Variants in FANCC observed in about 807,000 individuals in gnomAD.
FANCC encodes the protein FA complementation group C, also known as Fanconi anemia group C protein.
Under a neutral mutation model 71.3 loss-of-function variants are expected in FANCC, and 55 were observed. The ratio of observed to expected loss-of-function variants is 0.77; its 90% CI spans 0.62 to 0.97. FANCC has a LOEUF of 0.97. Ranked by LOEUF, FANCC falls within the 50% of genes least tolerant of loss-of-function variation. The pLI is 0.00. For synonymous variants in FANCC, 275 were observed against 244.9 expected (o/e 1.12, Z -1.15); for missense variants, 678 against 670.9 (o/e 1.01, Z -0.12).
chr9:95,119,689 C>T (rs921747077), intron 10 of FANCC, among the ~76,000 whole-genome samples: 11 of 151,714 alleles, frequency 7.3e-5, no homozygotes, highest in African/African-American at 2.7e-4. Context: ...TTAATGATAT[C>T]TATCAAAGAA....
chr9:95,275,313 A>C (rs1486305875), intron 1 of FANCC, among the ~76,000 whole-genome samples: 1 of 152,016 alleles, frequency 6.6e-6, no homozygotes, highest in Non-Finnish European at 1.5e-5. Context: ...AAATAAAATA[A>C]AATAAAAACA....
chr9:95,153,694 T>C (rs1303154730), intron 6 of FANCC, among the ~76,000 whole-genome samples: 2 of 152,248 alleles, frequency 1.3e-5, no homozygotes, highest in South Asian at 2.1e-4. Flanking sequence ...TTTGAGTTCC[T>C]TGTAGATTCT....
chr9:95,293,466 G>C, intron 1 of FANCC: 1 of 1,571,280 alleles, frequency 6.4e-7, no homozygotes, highest in South Asian at 1.2e-5. Flanking sequence ...TGATCCTGTT[G>C]CTGTTGAGCC....
chr9:95,197,681 G>A (rs1026418528), intron 4 of FANCC, among the ~76,000 whole-genome samples: 11 of 152,264 alleles, frequency 7.2e-5, no homozygotes, highest in Admixed American at 2.0e-4. Flanking sequence ...TGCAGGAATC[G>A]TGGCTTGTTA....
In FANCC at chr9:95,294,009, A is replaced by G. The variant is rs549438215; in HGVS notation, c.-79+23517T>C. On this transcript the variant is annotated intron_variant, in intron 1 of 14. Transcript: ENST00000289081. Reference sequence around the variant, plus strand: ...AGAATGAGCCTAAGACTTTAAATCAAGAGATTGAGAAATGTGCACCAATTA... The same window carrying G: ...AGAATGAGCCTAAGACTTTAAATCAGGAGATTGAGAAATGTGCACCAATTA... The G allele has an allele frequency of 5.7e-6, 9 of 1,592,886 alleles. No individual in the cohort carries two copies. In the African/African-American group the frequency reaches 1.2e-4, roughly 21 times the overall value.
intron 4 of FANCC, among the ~76,000 whole-genome samples, chr9:95,237,107 A>C (rs965661959): frequency 3.3e-5 from 5 of 152,234 alleles, no homozygotes; most frequent in Admixed American, 3.3e-4. Context: ...AATTGTTAAG[A>C]GTTAAATCAT....
intron 5 of FANCC, among the ~76,000 whole-genome samples, chr9:95,171,671 C>CT (rs1825688164): frequency 6.6e-6 from 1 of 152,082 alleles, no homozygotes; most frequent in South Asian, 2.1e-4. Context: ...TTCTGTTTTG[C>CT]TTTAACAGAA....
intron 4 of FANCC, among the ~76,000 whole-genome samples, chr9:95,220,419 G>A (rs1338607516): frequency 2.6e-5 from 4 of 152,170 alleles, no homozygotes; most frequent in African/African-American, 4.8e-5. Context: ...ACATGCACAC[G>A]TATGTTTACC....
intron 6 of FANCC, among the ~76,000 whole-genome samples, chr9:95,170,047 C>T (rs1004844498): frequency 6.6e-6 from 1 of 152,094 alleles, no homozygotes; most frequent in African/African-American, 2.4e-5. Context: ...TTTAAAAAAT[C>T]AACTGTGATG....
At chr9:95,250,469 G>A (rs1051568143) in intron 1 of FANCC, among the ~76,000 whole-genome samples, 1 of 152,090 alleles carries the variant, frequency 6.6e-6, no homozygotes, top group African/African-American at 2.4e-5. Flanking sequence ...ATCTAGATCG[G>A]GAAAGTTTTA....
At chr9:95,174,100 T>A (rs1158789919) in intron 4 of FANCC, among the ~76,000 whole-genome samples, 1 of 152,122 alleles carries the variant, frequency 6.6e-6, no homozygotes, top group Admixed American at 6.5e-5. Context: ...TCAGACTGGG[T>A]CATTTATAAG....
chr9:95,260,688 A>T lies in FANCC; in HGVS notation c.-78-11319T>A, dbSNP rs569084223. ...CATGTATCTCAGAACTTAAAATATA[A>T]AAAAAAAAAAAAAACTTCCAGATAC... is the stretch of plus-strand genomic sequence containing the variant. On this transcript the variant is annotated intron_variant, in intron 1 of 14. Transcript: ENST00000289081. 2.3e-4 allele frequency among the ~76,000 whole-genome samples: 35 copies of T among 149,468 alleles called. 1 individual carries two copies. The highest frequency in any genetic ancestry group is 1.3e-3 in the South Asian group (6 of 4,730).
intron 4 of FANCC, among the ~76,000 whole-genome samples, chr9:95,196,098 C>T (rs1020481591): frequency 6.6e-6 from 1 of 151,940 alleles, no homozygotes; most frequent in African/African-American, 2.4e-5. Context: ...AATATGCAGG[C>T]CTTTTATTTC....
At position 95,135,348 on chromosome 9, in the gene FANCC, G is replaced by T; in HGVS notation, c.841C>A (p.Leu281Met). Residue 281 changes from leucine (L) to methionine (M), a missense_variant and splice_region_variant, in exon 8 of 15, where the codon CTG becomes ATG. Physicochemically the swap from Leu to Met is conservative, Grantham distance 15 (BLOSUM62 2). Transcript: ENST00000289081. The stretch of plus-strand genomic sequence containing the variant: ...CTTCATCAAAACCCAGTACGTACCA[G>T]CGATGAATCTTTTATAAAGCATTCG... ...RIECFIKDSSLPQAACHPAIF... is the reference protein window; with the variant it reads ...RIECFIKDSSMPQAACHPAIF... 1 of 1,613,800 alleles carries T rather than the reference G, an allele frequency of 6.2e-7. No individual in the cohort carries two copies. The highest frequency in any genetic ancestry group is 8.5e-7 in the Non-Finnish European group (1 of 1,179,892).
chr9:95,296,967 A>G (rs1834415573), intron 1 of FANCC, among the ~76,000 whole-genome samples: 2 of 152,254 alleles, frequency 1.3e-5, no homozygotes, highest in South Asian at 4.1e-4. Flanking sequence ...ATTTCAAACA[A>G]TAACATTAGT....
intron 13 of FANCC, chr9:95,109,678 C>CA (rs1213622303): frequency 6.6e-6 from 1 of 152,248 alleles, no homozygotes; most frequent in Admixed American, 6.5e-5. Context: ...TTCTTCACCT[C>CA]AAGGACATCC....
chr9:95,107,796 ACAC>A (rs1244929684), intron 13 of FANCC, among the ~76,000 whole-genome samples: 1 of 152,196 alleles, frequency 6.6e-6, no homozygotes, highest in Non-Finnish European at 1.5e-5. Flanking sequence ...ATGCATGCAC[ACAC>A]AAGAACACAT....
At chr9:95,159,881 T>C (rs961559873) in intron 6 of FANCC, among the ~76,000 whole-genome samples, 1 of 152,218 alleles carries the variant, frequency 6.6e-6, no homozygotes, top group African/African-American at 2.4e-5. Context: ...GTTGTTTGTT[T>C]TCTTCTTGTA....
At chr9:95,210,714 A>G (rs921129502) in intron 4 of FANCC, among the ~76,000 whole-genome samples, 2 of 152,216 alleles carry the variant, frequency 1.3e-5, no homozygotes, top group Admixed American at 1.3e-4. Context: ...AGTACTTGGC[A>G]TAGCCATTCC....
Sources: allele counts gnomAD v4.1 joint callset (sites outside exome capture counted in the v4.1 genomes callset), GRCh38; gene constraint gnomAD v4.1.1; transcripts MANE v1.5; gene names NCBI Gene and HGNC (gene_info 2026-07-23, HGNC 2026-07-21).